The following CACNA2D3 variants were observed in gnomAD, a reference collection of about 807,000 sequenced individuals.
CACNA2D3 encodes voltage-dependent calcium channel subunit alpha-2/delta-3.
CACNA2D3 carries 60 observed loss-of-function variants against 160.6 expected under a neutral mutation model. That is an observed-to-expected ratio of 0.37 (90% confidence interval 0.30 to 0.46). CACNA2D3 has a LOEUF of 0.46. Ranked by LOEUF, CACNA2D3 falls within the 20% of genes least tolerant of loss-of-function variation. CACNA2D3 has a pLI of 1.00. For missense variants in CACNA2D3, 1,205 were observed against 1,365.0 expected (o/e 0.88, Z 1.85); for synonymous variants, 558 against 492.9 (o/e 1.13, Z -1.75).
At chr3:54,281,922 T>C (rs1421312566) in intron 2 of CACNA2D3, among the ~76,000 whole-genome samples, 1 of 152,132 alleles carries the variant, frequency 6.6e-6, no homozygotes, top group Admixed American at 6.5e-5. Flanking sequence ...GAGGCTTCCT[T>C]ATGTGTGTTA....
chr3:54,615,687 G>A (rs1050257263), intron 9 of CACNA2D3, among the ~76,000 whole-genome samples: 6 of 152,188 alleles, frequency 3.9e-5, no homozygotes, highest in Non-Finnish European at 7.3e-5. Context: ...ATCTAGATGA[G>A]TATATTAGTT....
chr3:54,788,947 T>C (rs1369585953), intron 13 of CACNA2D3, among the ~76,000 whole-genome samples: 4 of 152,186 alleles, frequency 2.6e-5, no homozygotes, highest in Non-Finnish European at 4.4e-5. Context: ...ATAAGTTTTG[T>C]TGAGTGAAAA....
rs562495329 is a variant in CACNA2D3 at position 54,369,154 on chromosome 3, AGTT to A, written c.322-17556_322-17554del. The stretch of plus-strand genomic sequence containing the variant: ...AAGGGATCTGACAGGTCACCAAAAG[AGTT>A]GTTGAGTTTCGTTTGTTTGTTTCAG... On this transcript the variant is annotated intron_variant, in intron 3 of 37. Coordinates refer to ENST00000474759, the MANE Select transcript of CACNA2D3 (RefSeq NM_018398.3). 6.5e-3 allele frequency among the ~76,000 whole-genome samples: 996 copies of A among 152,266 alleles called. 11 individuals are homozygous for A. The highest frequency in any genetic ancestry group is 0.023 in the African/African-American group (952 of 41,544).
chr3:54,734,190 G>A (rs2107020463), intron 11 of CACNA2D3, among the ~76,000 whole-genome samples: 1 of 152,288 alleles, frequency 6.6e-6, no homozygotes, highest in South Asian at 2.1e-4. Flanking sequence ...GTTGAGTAAA[G>A]TCTGACTTTG....
chr3:54,952,051 G>C (rs1559642823), intron 27 of CACNA2D3, among the ~76,000 whole-genome samples: 1 of 152,160 alleles, frequency 6.6e-6, no homozygotes, highest in African/African-American at 2.4e-5. Flanking sequence ...ATTTCACCAT[G>C]TTGGCCAGCT....
rs185945161 is a variant in CACNA2D3, at chr3:54,637,434, C to T, written c.1054-4694C>T. On this transcript the variant is annotated intron_variant, in intron 10 of 37. Coordinates refer to ENST00000474759, the MANE Select transcript of CACNA2D3 (RefSeq NM_018398.3). ...TGTAGTCCAGGAATAGTCAGGGAAG[C>T]AGACAATTTAGTTAAAGTGTCTCAG... Among the ~76,000 whole-genome samples, 104 of 151,924 alleles carry T rather than the reference C, an allele frequency of 6.8e-4. 1 individual carries two copies. The highest frequency in any genetic ancestry group is 4.7e-3 in the Admixed American group (72 of 15,276).
In CACNA2D3 at chr3:54,687,146, TTTTTG is replaced by T. The variant is rs1559549509; in HGVS notation, c.1167+44910_1167+44914del. ...CTTTTTTTTTTTTTGTTTTTTTTTT[TTTTTG>T]TTTTTTTGACACTGGGCCTCACCCT... On this transcript the variant is annotated intron_variant, in intron 11 of 37. Transcript: ENST00000474759. Among the ~76,000 whole-genome samples, 51 of 76,816 alleles carry T rather than the reference TTTTTG, an allele frequency of 6.6e-4. 1 individual carries two copies. The highest frequency in any genetic ancestry group is 3.4e-3 in the South Asian group (10 of 2,946). 50.4% of individuals were successfully genotyped at this position (76,816 alleles called of 152,430 possible). A position where few individuals can be genotyped will look rare whatever the true frequency, so the allele number is the denominator to read the frequency against.
chr3:54,624,146 T>G (rs626074), intron 9 of CACNA2D3, among the ~76,000 whole-genome samples: 71,960 of 151,974 alleles, frequency 0.47, 18,126 homozygotes, highest in East Asian at 0.71. Context: ...GGACCAGATA[T>G]GTACCAGGAA....
rs749875589 is a variant in CACNA2D3, at chr3:54,562,699, G to C, written c.545-101G>C. 26 of 984,430 alleles carry C rather than the reference G, an allele frequency of 2.6e-5. No individual in the cohort carries two copies. In the Admixed American group the frequency reaches 5.4e-4, roughly 21 times the overall value. The allele number at this position is 984,430 out of a possible 1,614,324, so 61.0% of individuals were successfully genotyped here. ...TTCCTTCATAGCCTCCTGCAAGATG[G>C]AGTACCTTGTGCCAGTATCTGCCAA... On this transcript the variant is annotated intron_variant, in intron 5 of 37. Coordinates refer to ENST00000474759, the MANE Select transcript of CACNA2D3 (RefSeq NM_018398.3).
At chr3:54,327,659 G>A (rs1482543005) in intron 3 of CACNA2D3, among the ~76,000 whole-genome samples, 7 of 151,908 alleles carry the variant, frequency 4.6e-5, no homozygotes, top group South Asian at 2.1e-4. Context: ...CATATTCATC[G>A]TGAAAGAGAA....
At chr3:54,723,033 G>A (rs1403892752) in intron 11 of CACNA2D3, among the ~76,000 whole-genome samples, 2 of 152,208 alleles carry the variant, frequency 1.3e-5, no homozygotes, top group East Asian at 3.9e-4. Context: ...CAGAGAGATG[G>A]GAGTTTTATC....
intron 5 of CACNA2D3, among the ~76,000 whole-genome samples, chr3:54,544,624 C>G (rs1280074266): frequency 1.3e-5 from 2 of 152,062 alleles, no homozygotes; most frequent in African/African-American, 4.8e-5. Flanking sequence ...TCTCAAACTC[C>G]TGGCCTCAAG....
intron 2 of CACNA2D3, among the ~76,000 whole-genome samples, chr3:54,187,645 C>T (rs956178670): frequency 2.6e-5 from 4 of 152,106 alleles, no homozygotes; most frequent in Non-Finnish European, 4.4e-5. Flanking sequence ...CACCAGGGAC[C>T]AGTGTTGTGG....
At chr3:54,483,174 A>G (rs1299317978) in intron 4 of CACNA2D3, among the ~76,000 whole-genome samples, 3 of 152,322 alleles carry the variant, frequency 2.0e-5, no homozygotes, top group Non-Finnish European at 4.4e-5. Flanking sequence ...ATTAACCTTG[A>G]GGGCTTTTTG....
At chr3:54,431,357 TAAAG>T (rs1473559928) in intron 4 of CACNA2D3, among the ~76,000 whole-genome samples, 8 of 151,056 alleles carry the variant, frequency 5.3e-5, no homozygotes, top group African/African-American at 1.7e-4. Context: ...AGAAAAATCA[TAAAG>T]AAGATAAAAT....
intron 2 of CACNA2D3, among the ~76,000 whole-genome samples, chr3:54,198,467 A>G (rs1259308121): frequency 1.3e-5 from 2 of 152,180 alleles, no homozygotes; most frequent in South Asian, 4.1e-4. Context: ...ACCTCAATAG[A>G]GTATTGATGG....
At chr3:54,157,362 A>G (rs978424738) in intron 2 of CACNA2D3, among the ~76,000 whole-genome samples, 6 of 152,276 alleles carry the variant, frequency 3.9e-5, no homozygotes, top group African/African-American at 1.4e-4. Flanking sequence ...GGGACACAAT[A>G]TATCCCATAA....
chr3:54,629,488 G>GA (rs576939598), intron 10 of CACNA2D3, among the ~76,000 whole-genome samples: 31 of 152,216 alleles, frequency 2.0e-4, no homozygotes, highest in African/African-American at 7.2e-4. Context: ...GAGGAGAAGA[G>GA]AAAAATAAGG....
intron 2 of CACNA2D3, among the ~76,000 whole-genome samples, chr3:54,134,799 AGCACGCTAGAG>A (rs1251447358): frequency 6.6e-6 from 1 of 152,216 alleles, no homozygotes; most frequent in Non-Finnish European, 1.5e-5. Context: ...CATCTGGGTC[AGCACGCTAGAG>A]GCATGCTAGA....
Sources: gnomAD v4.1 joint callset for allele counts (sites outside exome capture counted in the v4.1 genomes callset) on GRCh38, gnomAD v4.1.1 for gene constraint, MANE v1.5 for transcripts, NCBI Gene and HGNC (gene_info 2026-07-23, HGNC 2026-07-21) for gene names.